FANCM: variants seen among roughly 807,000 people sequenced by gnomAD.
FANCM encodes the protein Fanconi anemia group M protein.
In FANCM, 140 loss-of-function variants were observed where a neutral mutation model predicts 199.5. The observed-to-expected ratio is 0.70, with a 90% CI of 0.61 to 0.81. FANCM has a LOEUF of 0.81. Ranked by LOEUF, FANCM falls within the 30% of genes least tolerant of loss-of-function variation. The pLI is 0.00. For synonymous variants in FANCM, 840 were observed against 836.8 expected (o/e 1.00, Z -0.07); for missense variants, 2,410 against 2,421.4 (o/e 1.00, Z 0.10).
At chr14:45,164,856 G>A (rs1887854431) in intron 10 of FANCM, among the ~76,000 whole-genome samples, 1 of 152,138 alleles carries the variant, frequency 6.6e-6, no homozygotes, top group African/African-American at 2.4e-5. Context: ...ATTTTCCTGT[G>A]CTTCTAAAGA....
intron 4 of FANCM, 91 bp from the exon 5 acceptor site, chr14:45,151,306 A>G (rs559811102): frequency 9.6e-7 from 1 of 1,040,698 alleles, no homozygotes; most frequent in South Asian, 1.4e-5. Context: ...TTTATTAAAT[A>G]TATAATTCCT....
chr14:45,196,391 G>GATT lies in FANCM; in HGVS notation c.5562_5564dup (p.Tyr1855dup). The GATT allele has an allele frequency of 3.1e-6, 5 of 1,614,130 alleles. No individual in the cohort carries two copies. The highest frequency in any genetic ancestry group is 4.2e-6 in the Non-Finnish European group (5 of 1,180,022). ...AGAAGTTTGTCCTCTTAATGGCTGT[G>GATT]ATTACATCGTGAGTAATCGCATGGT... On this transcript the variant is annotated inframe_insertion, in exon 21 of 23. Coordinates refer to ENST00000267430, the MANE Select transcript of FANCM (RefSeq NM_020937.4).
intron 2 of FANCM, chr14:45,137,444 A>G (rs1281206272): frequency 3.4e-6 from 2 of 579,930 alleles, no homozygotes; most frequent in African/African-American, 3.7e-5. Context: ...TTTTGCTGTT[A>G]TTGTTGTTTT....
intron 2 of FANCM, among the ~76,000 whole-genome samples, chr14:45,138,845 C>A (rs1566719859): frequency 1.3e-5 from 2 of 152,130 alleles, no homozygotes; most frequent in African/African-American, 4.8e-5. Flanking sequence ...AATAGGTACA[C>A]CTGCTCCATG....
intron 18 of FANCM, 100 bp from the exon 19 acceptor site, chr14:45,187,681 G>C: frequency 1.6e-6 from 1 of 642,594 alleles, no homozygotes; most frequent in Non-Finnish European, 2.8e-6. Flanking sequence ...TTTGCACAAG[G>C]TTTGAATCAA....
At chr14:45,140,921 C>G (rs1219828619) in intron 3 of FANCM, among the ~76,000 whole-genome samples, 1 of 152,002 alleles carries the variant, frequency 6.6e-6, no homozygotes, top group East Asian at 1.9e-4. Flanking sequence ...CATCTGTAGT[C>G]CCAGCTACTC....
chr14:45,189,359 G>T lies in FANCM; in HGVS notation c.5337G>T (p.Gln1779His), dbSNP rs374822670. 18 of 1,604,990 alleles carry T rather than the reference G, an allele frequency of 1.1e-5. No individual in the cohort carries two copies. Among genetic ancestry groups the T allele is most frequent in the Non-Finnish European group, 1.4e-5 (16 of 1,171,906 alleles). Residue 1779 changes from glutamine to histidine, a missense_variant, in exon 20 of 23, where the codon CAG becomes CAT. Gln to His is a conservative substitution (Grantham distance 24). Coordinates refer to ENST00000267430, the MANE Select transcript of FANCM (RefSeq NM_020937.4). ...ACTGTAGAAAATTTCCAGTTCCACA[G>T]AAGGTATGGATCAAAGAAAGGAAAA... ...QKDCRKFPVP[Q>H]KDGSALEDSS...
chr14:45,158,413 C>T (rs887644509), intron 8 of FANCM, among the ~76,000 whole-genome samples: 14 of 152,058 alleles, frequency 9.2e-5, no homozygotes, highest in Admixed American at 6.6e-4. Context: ...GTGCATTCTA[C>T]TGCCCGCCAC....
At chr14:45,155,690 T>A (rs896370026) in intron 8 of FANCM, among the ~76,000 whole-genome samples, 7 of 152,148 alleles carry the variant, frequency 4.6e-5, no homozygotes, top group African/African-American at 1.7e-4. Flanking sequence ...TCCCAGCTAC[T>A]TGGGAGGCTG....
At chr14:45,187,657 C>G in intron 18 of FANCM, 124 bp from the exon 19 acceptor site, 2 of 594,746 alleles carry the variant, frequency 3.4e-6, no homozygotes, top group Non-Finnish European at 6.1e-6. Flanking sequence ...TATTTATTGT[C>G]TTTGTGTAAA....
Position 45,176,532 on chromosome 14 carries a change from T to C in FANCM, c.3778T>C (p.Tyr1260His). 3 of 1,600,986 alleles carry C rather than the reference T, an allele frequency of 1.9e-6. No homozygotes were observed. Among genetic ancestry groups the C allele is most frequent in the Non-Finnish European group, 2.6e-6 (3 of 1,173,418 alleles). ...TAGCAATAGACCTCTAGATGATCTATATGGAAGGTATTTGGAAATTAAGGA... is the reference window on the plus strand; with the variant it reads ...TAGCAATAGACCTCTAGATGATCTACATGGAAGGTATTTGGAAATTAAGGA... ...SDSNRPLDDLYGRYLEIKEIS... is the reference protein window; with the variant it reads ...SDSNRPLDDLHGRYLEIKEIS... Residue 1260 changes from tyrosine (Y) to histidine (H), a missense_variant, in exon 14 of 23, where the codon TAT becomes CAT. Transcript: ENST00000267430.
chr14:45,171,617 G>T (rs1164439702), intron 12 of FANCM, among the ~76,000 whole-genome samples: 3 of 151,840 alleles, frequency 2.0e-5, no homozygotes, highest in Non-Finnish European at 2.9e-5. Context: ...TAGAATAATA[G>T]TCTCCAACTC....
At chr14:45,179,698 A>G (rs1330726343) in intron 14 of FANCM, among the ~76,000 whole-genome samples, 1 of 151,234 alleles carries the variant, frequency 6.6e-6, no homozygotes, top group African/African-American at 2.4e-5. Context: ...AGTAGCTGGC[A>G]CTGTAGGCGC....
intron 12 of FANCM, among the ~76,000 whole-genome samples, chr14:45,172,336 A>G (rs377230340): frequency 6.6e-6 from 1 of 152,146 alleles, no homozygotes; most frequent in East Asian, 1.9e-4. Flanking sequence ...GCCTAAGCCA[A>G]TGTCTAGAAG....
At chr14:45,145,451 CCTT>C (rs1307553493) in intron 3 of FANCM, among the ~76,000 whole-genome samples, 1 of 152,126 alleles carries the variant, frequency 6.6e-6, no homozygotes, top group African/African-American at 2.4e-5. Flanking sequence ...TCTAAATTCT[CCTT>C]CTGTGGTGGC....
rs200603043 is a variant in FANCM at position 45,160,002 on chromosome 14, G to GTT, written c.1581+738_1581+739dup. ...CGTTAGTAGATGAGGTTTTTTTTTT[G>GTT]TTTTTTTTTTTTTTTTTAGATGGAA... On this transcript the variant is annotated intron_variant, in intron 9 of 22. Coordinates refer to ENST00000267430, the MANE Select transcript of FANCM (RefSeq NM_020937.4). Among the ~76,000 whole-genome samples, 63 of 121,980 alleles carry GTT rather than the reference G, an allele frequency of 5.2e-4. 1 individual carries two copies. The highest frequency in any genetic ancestry group is 1.2e-3 in the Admixed American group (14 of 12,074). The allele number at this position is 121,980 out of a possible 152,430, so 80.0% of individuals were successfully genotyped here.
At chr14:45,139,642 G>C (rs1240543775) in intron 2 of FANCM, among the ~76,000 whole-genome samples, 1 of 152,156 alleles carries the variant, frequency 6.6e-6, no homozygotes, top group African/African-American at 2.4e-5. Flanking sequence ...AGATTTTAAA[G>C]ATTACCTCAA....
At chr14:45,148,747 A>G (rs1886608073) in intron 3 of FANCM, 90 bp from the exon 4 acceptor site, 1 of 830,180 alleles carries the variant, frequency 1.2e-6, no homozygotes, top group East Asian at 2.6e-5. Flanking sequence ...GCTTCTTTCA[A>G]AATTTTACTG....
intron 3 of FANCM, among the ~76,000 whole-genome samples, chr14:45,148,090 G>T (rs946869182): frequency 2.0e-5 from 3 of 150,900 alleles, no homozygotes. Flanking sequence ...CCAGCTACTG[G>T]GGAGGCTGAG....
Sources: allele counts gnomAD v4.1 joint callset (sites outside exome capture counted in the v4.1 genomes callset), GRCh38; gene constraint gnomAD v4.1.1; transcripts MANE v1.5; gene names NCBI Gene and HGNC (gene_info 2026-07-23, HGNC 2026-07-21).